IQSEC3: variants seen among roughly 807,000 people sequenced by gnomAD.
IQSEC3 encodes IQ motif and SEC7 domain-containing protein 3.
Under a neutral mutation model 105.4 loss-of-function variants are expected in IQSEC3, and 50 were observed. That is an observed-to-expected ratio of 0.47 (90% CI 0.38 to 0.60). The LOEUF (loss-of-function observed/expected upper bound fraction) is 0.60, where lower values mean the gene tolerates loss of function less well. Among genes scored for constraint, IQSEC3 ranks in the 20% least tolerant of loss-of-function variants. The pLI, the probability that IQSEC3 is intolerant of heterozygous loss-of-function variation, is 0.00. For missense variants in IQSEC3, 1,415 were observed against 1,630.0 expected (o/e 0.87, Z 2.27); for synonymous variants, 708 against 746.0 (o/e 0.95, Z 0.83).
rs375166383 is a variant in IQSEC3 at position 146,559 on chromosome 12, T to C, written c.2153+5274T>C. On this transcript the variant is annotated intron_variant, in intron 5 of 13. Transcript: ENST00000538872. ...TACTCGGGAGGCCAAGGCAGGGGAATCACTTGAGCCCAGGAGATGGAAACT... is the reference window on the plus strand; with the variant it reads ...TACTCGGGAGGCCAAGGCAGGGGAACCACTTGAGCCCAGGAGATGGAAACT... Among the ~76,000 whole-genome samples the C allele has an allele frequency of 2.0e-4, 31 of 152,224 alleles. 2 individuals carry two copies. Among genetic ancestry groups the C allele is most frequent in the Admixed American group, 9.8e-4 (15 of 15,302 alleles).
chr12:76,585 G>A (rs1863537969), intron 1 of IQSEC3, among the ~76,000 whole-genome samples: 1 of 152,376 alleles, frequency 6.6e-6, no homozygotes, highest in African/African-American at 2.4e-5. Context: ...CCATTGGCTA[G>A]CCAGATCCTC....
intron 2 of IQSEC3, among the ~76,000 whole-genome samples, chr12:111,241 A>G (rs1460298091): frequency 6.6e-6 from 1 of 152,202 alleles, no homozygotes; most frequent in Non-Finnish European, 1.5e-5. Flanking sequence ...CAGAAAATTA[A>G]AGCTTGGCAC....
intron 7 of IQSEC3, among the ~76,000 whole-genome samples, chr12:159,960 C>T (rs553736139): frequency 4.6e-5 from 7 of 152,216 alleles, no homozygotes; most frequent in African/African-American, 1.4e-4. Context: ...CCCTCAGTGC[C>T]GTCTTTTGTG....
In IQSEC3 at chr12:173,122, G is replaced by A. The variant is rs183173887; in HGVS notation, c.3115-1477G>A. Among the ~76,000 whole-genome samples the A allele has an allele frequency of 5.3e-5, 8 of 152,316 alleles. No homozygotes were observed. The East Asian group carries it at 9.6e-4, about 18-fold the overall frequency. On this transcript the variant is annotated intron_variant, in intron 13 of 13. Transcript: ENST00000538872. ...TACAAGCAGGAGGGGAGAGGAGCCCGTGCCCTCCAGCGGCTTCTGCCTGAG... is the reference window on the plus strand; with the variant it reads ...TACAAGCAGGAGGGGAGAGGAGCCCATGCCCTCCAGCGGCTTCTGCCTGAG...
At chr12:163,397 C>T (rs554883796) in intron 8 of IQSEC3, 97 bp from the exon 9 acceptor site, 7 of 1,379,050 alleles carry the variant, frequency 5.1e-6, no homozygotes, top group Non-Finnish European at 9.6e-7. Flanking sequence ...GGCCCCTCCC[C>T]TCTCCCGGGC....
chr12:91,861 G>A (rs1393453127), intron 1 of IQSEC3, among the ~76,000 whole-genome samples: 8 of 152,080 alleles, frequency 5.3e-5, no homozygotes, highest in Non-Finnish European at 8.8e-5. Flanking sequence ...TCAGGTCTGC[G>A]CTGCCTCCAG....
chr12:125,733 C>A lies in IQSEC3; in HGVS notation c.724C>A (p.Gln242Lys). 1 of 1,526,742 alleles carries A rather than the reference C, an allele frequency of 6.5e-7. No homozygotes were observed. Among genetic ancestry groups the A allele is most frequent in the African/African-American group, 1.4e-5 (1 of 72,116 alleles). The allele number at this position is 1,526,742 out of a possible 1,614,324, so 94.6% of individuals were successfully genotyped here. A position where few individuals can be genotyped will look rare whatever the true frequency, so the allele number is the denominator to read the frequency against. The change falls in exon 3 of 14, where the codon CAA becomes AAA. Residue 242 changes from glutamine (Q) to lysine (K), a missense_variant. Coordinates refer to ENST00000538872, the MANE Select transcript of IQSEC3 (RefSeq NM_001170738.2). ...GRPSAHAPKA[Q>K]AQELQEEEER... is the part of the protein sequence containing the mutation. ...ACCCAGTGCCCATGCCCCGAAGGCT[C>A]AAGCCCAGGAGCTGCAGGAGGAGGA...
At chr12:140,330 AG>A (rs1260275681) in intron 4 of IQSEC3, 1 of 152,226 alleles carries the variant, frequency 6.6e-6, no homozygotes, top group Non-Finnish European at 1.5e-5. Flanking sequence ...CACACCAGTA[AG>A]GCGAAATGCA....
chr12:130,220 G>C (rs1865543594), intron 3 of IQSEC3, among the ~76,000 whole-genome samples: 1 of 152,230 alleles, frequency 6.6e-6, no homozygotes, highest in African/African-American at 2.4e-5. Context: ...GTGGTGGGCA[G>C]ACACGGGGCC....
At chr12:135,585 A>G (rs1241409074) in intron 3 of IQSEC3, among the ~76,000 whole-genome samples, 1 of 152,170 alleles carries the variant, frequency 6.6e-6, no homozygotes, top group Non-Finnish European at 1.5e-5. Context: ...CACTCCAATG[A>G]TTAGGTTACC....
Position 124,842 on chromosome 12 carries a change from G to A in IQSEC3, c.624-791G>A, listed in dbSNP as rs558805522. Among the ~76,000 whole-genome samples the A allele has an allele frequency of 7.2e-5, 11 of 152,350 alleles. 1 individual carries two copies. The East Asian group carries it at 1.9e-3, about 27-fold the overall frequency. The stretch of plus-strand genomic sequence containing the variant: ...AGCAGGCTGGACCATGTCTGCTCCA[G>A]GCAGCAAGGTGTCTTCTTAGAGTAG... On this transcript the variant is annotated intron_variant, in intron 2 of 13. Coordinates refer to ENST00000538872, the MANE Select transcript of IQSEC3 (RefSeq NM_001170738.2).
chr12:101,108 G>T (rs1217462423), intron 2 of IQSEC3, among the ~76,000 whole-genome samples: 1 of 152,208 alleles, frequency 6.6e-6, no homozygotes, highest in Non-Finnish European at 1.5e-5. Context: ...AGAAGCCCAG[G>T]CCTGGCAGGG....
chr12:146,761 C>T (rs1866293900), intron 5 of IQSEC3, among the ~76,000 whole-genome samples: 1 of 151,952 alleles, frequency 6.6e-6, no homozygotes, highest in Non-Finnish European at 1.5e-5. Flanking sequence ...GAGACAGAGA[C>T]CCAGTGCAGG....
At chr12:162,536 T>G (rs561097377) in intron 8 of IQSEC3, among the ~76,000 whole-genome samples, 3 of 152,316 alleles carry the variant, frequency 2.0e-5, no homozygotes, top group African/African-American at 7.2e-5. Flanking sequence ...AAGTGGGACT[T>G]CTCTGTAGGC....
chr12:141,624 T>G (rs929886601), intron 5 of IQSEC3: 148 of 267,768 alleles, frequency 5.5e-4, no homozygotes, highest in African/African-American at 3.1e-3. Flanking sequence ...AGCACTGGGG[T>G]TCATCTCTGC....
At chr12:118,569 G>A (rs1395015212) in intron 2 of IQSEC3, among the ~76,000 whole-genome samples, 3 of 151,008 alleles carry the variant, frequency 2.0e-5, no homozygotes, top group Admixed American at 6.6e-5. Flanking sequence ...TCATACCCAA[G>A]GAGTCCATCA....
At chr12:158,711 T>G (rs1555095275) in intron 7 of IQSEC3, among the ~76,000 whole-genome samples, 3 of 152,204 alleles carry the variant, frequency 2.0e-5, no homozygotes, top group Admixed American at 2.0e-4. Context: ...CAGGCTGGAG[T>G]GCAGTGGTGC....
intron 7 of IQSEC3, among the ~76,000 whole-genome samples, chr12:158,598 T>C (rs56020448): frequency 0.1 from 15,970 of 152,220 alleles, 1,750 homozygotes; most frequent in African/African-American, 0.28. Flanking sequence ...TGACGAGTCC[T>C]GCCAGTCCTT....
intron 7 of IQSEC3, among the ~76,000 whole-genome samples, chr12:159,917 CTTTG>C (rs1866825858): frequency 2.0e-5 from 3 of 152,316 alleles, no homozygotes; most frequent in East Asian, 3.9e-4. Flanking sequence ...TACCTGCCAT[CTTTG>C]TTTACTTCCT....
Sources: gnomAD v4.1 joint callset for allele counts (sites outside exome capture counted in the v4.1 genomes callset) on GRCh38, gnomAD v4.1.1 for gene constraint, MANE v1.5 for transcripts, NCBI Gene and HGNC (gene_info 2026-07-23, HGNC 2026-07-21) for gene names.